Variants in MYOC observed in about 807,000 individuals in gnomAD.
MYOC encodes the protein myocilin.
MYOC carries 29 observed loss-of-function variants against 28.2 expected under a neutral mutation model. That is an observed-to-expected ratio of 1.03 (90% confidence interval 0.77 to 1.40). The LOEUF (loss-of-function observed/expected upper bound fraction) is 1.40, where lower values mean the gene tolerates loss of function less well. MYOC is among the 40% of genes most tolerant of loss of function. The pLI, the probability that MYOC is intolerant of heterozygous loss-of-function variation, is 0.00. For missense variants in MYOC, 569 were observed against 620.6 expected, an observed-to-expected ratio of 0.92 and a Z score of 0.88; for synonymous variants, 240 against 245.6, an observed-to-expected ratio of 0.98 and a Z score of 0.21.
rs1572211009 is a variant in MYOC at position 171,636,700 on chromosome 1, T to A, written c.740A>T (p.Glu247Val). Reference sequence around the variant, plus strand: ...GAGAGGCTCTCCTACCCAAACTAGTTCTCCACATCCTGGTAAATTCAGAAA... The same window carrying A: ...GAGAGGCTCTCCTACCCAAACTAGTACTCCACATCCTGGTAAATTCAGAAA... The part of the protein sequence containing the change: ...RSGEGDTGCG[E>V]LVWVGEPLTL... The change falls in exon 3 of 3, where the codon GAA (glutamate) becomes GTA (valine). Residue 247 changes from glutamate (E) to valine (V), a missense_variant. By Grantham distance (121) the Glu-to-Val change is moderately radical. Coordinates refer to ENST00000037502, the MANE Select transcript of MYOC (RefSeq NM_000261.2). 1 of 1,601,676 alleles carries A rather than the reference T, an allele frequency of 6.2e-7. No individual in the cohort carries two copies. Among genetic ancestry groups the A allele is most frequent in the Middle Eastern group, 1.7e-4 (1 of 6,060 alleles).
chr1:171,647,331 C>A (rs957168685), intron 1 of MYOC, among the ~76,000 whole-genome samples: 3 of 152,120 alleles, frequency 2.0e-5, no homozygotes, highest in Non-Finnish European at 4.4e-5. Context: ...CAAGACCAGC[C>A]TGGCCAACAT....
chr1:171,636,151 A>G lies in MYOC; in HGVS notation c.1289T>C (p.Phe430Ser), dbSNP rs1168442640. 1.9e-6 allele frequency: 3 copies of G among 1,614,162 alleles called. No homozygotes were observed. The highest frequency in any genetic ancestry group is 2.5e-6 in the Non-Finnish European group (3 of 1,180,026). ...NIRKQSVANA[F>S]IICGTLYTVS... Reference sequence around the variant, plus strand: ...GGTGTACAAGGTGCCACAGATGATGAAGGCATTGGCGACTGACTGCTTACG... The same window carrying G: ...GGTGTACAAGGTGCCACAGATGATGGAGGCATTGGCGACTGACTGCTTACG... The change falls in exon 3 of 3, where the codon TTC becomes TCC. Residue 430 changes from phenylalanine to serine, a missense_variant. Physicochemically the swap from Phe to Ser is radical, Grantham distance 155. Coordinates refer to ENST00000037502, the MANE Select transcript of MYOC (RefSeq NM_000261.2).
chr1:171,647,905 C>A (rs568887284), intron 1 of MYOC, among the ~76,000 whole-genome samples: 2 of 151,804 alleles, frequency 1.3e-5, no homozygotes, highest in Non-Finnish European at 2.9e-5. Flanking sequence ...ACAGGCCAGG[C>A]GCCGTGGCTC....
intron 1 of MYOC, among the ~76,000 whole-genome samples, chr1:171,649,562 G>A (rs141160409): frequency 3.2e-3 from 481 of 151,896 alleles, no homozygotes; most frequent in African/African-American, 9.3e-3. Context: ...TTGGAAGGCC[G>A]AGGTCGGCAG....
chr1:171,644,832 A>G (rs1241179070), intron 1 of MYOC, among the ~76,000 whole-genome samples: 2 of 152,202 alleles, frequency 1.3e-5, no homozygotes, highest in South Asian at 2.1e-4. Flanking sequence ...TGGTCCTGAA[A>G]GTGAACATTA....
chr1:171,652,052 T>TGG lies in MYOC; in HGVS notation c.558_559dup (p.Gln187ProfsTer30), dbSNP rs1332883080. 1 of 1,614,250 alleles carries TGG rather than the reference T, an allele frequency of 6.2e-7. No individual in the cohort carries two copies. Among genetic ancestry groups the TGG allele is most frequent in the East Asian group, 2.2e-5 (1 of 44,884 alleles). ...CACAGCCCGAGCAGTGTCTCGGGTCTGGGGACACTGGCCCCTTCTCAGCCT... is the reference window on the plus strand; with the variant it reads ...CACAGCCCGAGCAGTGTCTCGGGTCTGGGGGGACACTGGCCCCTTCTCAGCCT... On this transcript the variant is annotated frameshift_variant, in exon 1 of 3. Coordinates refer to ENST00000037502, the MANE Select transcript of MYOC (RefSeq NM_000261.2). LOFTEE classifies it high-confidence loss of function.
At chr1:171,637,737 C>T (rs2102945274) in intron 2 of MYOC, among the ~76,000 whole-genome samples, 1 of 152,140 alleles carries the variant, frequency 6.6e-6, no homozygotes, top group Admixed American at 6.6e-5. Context: ...CTCAGCCTCC[C>T]AAGTAGCTGG....
rs758453030 is a variant in MYOC at position 171,652,149 on chromosome 1, C to T, written c.463G>A (p.Glu155Lys). 1 of 1,614,222 alleles carries T rather than the reference C, an allele frequency of 6.2e-7. No homozygotes were observed. The highest frequency in any genetic ancestry group is 2.2e-5 in the East Asian group (1 of 44,884). The change falls in exon 1 of 3, where the codon GAG (glutamate) becomes AAG (lysine). Residue 155 changes from glutamate to lysine, a missense_variant. Physicochemically the swap from Glu to Lys is moderately conservative, Grantham distance 56 (BLOSUM62 1). Transcript: ENST00000037502. ...LLRDKSVLEEEKKRLRQENEN... is the reference protein window; with the variant it reads ...LLRDKSVLEEKKKRLRQENEN... ...TTTTCTTGCCTTAGTCGCTTCTTCT[C>T]TTCCTCCAGAACTGACTTGTCTCGG...
intron 1 of MYOC, among the ~76,000 whole-genome samples, chr1:171,639,303 T>C (rs184614177): frequency 6.6e-5 from 10 of 152,202 alleles, no homozygotes; most frequent in African/African-American, 9.6e-5. Flanking sequence ...ATTCCATAAT[T>C]AAAAACCTCA....
At chr1:171,641,017 AC>A (rs1348441324) in intron 1 of MYOC, among the ~76,000 whole-genome samples, 3 of 152,156 alleles carry the variant, frequency 2.0e-5, no homozygotes, top group Admixed American at 6.5e-5. Context: ...AGAAGGCGCA[AC>A]ACCAAAAATG....
At chr1:171,645,218 G>A (rs959734045) in intron 1 of MYOC, among the ~76,000 whole-genome samples, 1 of 152,188 alleles carries the variant, frequency 6.6e-6, no homozygotes, top group Non-Finnish European at 1.5e-5. Flanking sequence ...CGGACCCAGA[G>A]CGAAGTTCTT....
At chr1:171,648,392 G>A (rs892514634) in intron 1 of MYOC, among the ~76,000 whole-genome samples, 1 of 152,012 alleles carries the variant, frequency 6.6e-6, no homozygotes, top group Non-Finnish European at 1.5e-5. Context: ...GTGGTGACTA[G>A]CTGGAGAAGG....
intron 1 of MYOC, among the ~76,000 whole-genome samples, chr1:171,651,745 AT>A (rs1251848770): frequency 6.6e-6 from 1 of 152,182 alleles, no homozygotes; most frequent in African/African-American, 2.4e-5. Context: ...CGGTCCTTTT[AT>A]TTCTCCTTTT....
Position 171,652,229 on chromosome 1 carries a change from C to T in MYOC, c.383G>A (p.Arg128Gln), listed in dbSNP as rs766083192. ...TCTGGTTTGGGTTTCCAGCTGGTCC[C>T]GCTCCCGCCTCAGGGTGCCCAGCTC... ...QRELGTLRRE[R>Q]DQLETQTREL... is the part of the protein sequence containing the mutation. The change falls in exon 1 of 3, where the codon CGG becomes CAG. Residue 128 changes from arginine (R) to glutamine (Q), a missense_variant. Coordinates refer to ENST00000037502, the MANE Select transcript of MYOC (RefSeq NM_000261.2). 11 of 1,614,064 alleles carry T rather than the reference C, an allele frequency of 6.8e-6. No homozygotes were observed. The highest frequency in any genetic ancestry group is 4.0e-5 in the African/African-American group (3 of 74,928).
chr1:171,651,239 C>T (rs7518416), intron 1 of MYOC, among the ~76,000 whole-genome samples: 1 of 152,088 alleles, frequency 6.6e-6, no homozygotes. Context: ...ATGATTAGAA[C>T]ACTTCCTCAA....
chr1:171,651,920 C>A, intron 1 of MYOC, 88 bp downstream of exon 1: 5 of 1,583,430 alleles, frequency 3.2e-6, no homozygotes, highest in Non-Finnish European at 3.5e-6. Context: ...GGAGAAAGGG[C>A]AGGCAGGGAG....
chr1:171,643,828 G>C (rs956068721), intron 1 of MYOC, among the ~76,000 whole-genome samples: 1 of 151,850 alleles, frequency 6.6e-6, no homozygotes, highest in Non-Finnish European at 1.5e-5. Context: ...AAAATTAGCC[G>C]GGCATAGTGG....
At chr1:171,649,572 G>A (rs1416583881) in intron 1 of MYOC, among the ~76,000 whole-genome samples, 2 of 152,222 alleles carry the variant, frequency 1.3e-5, no homozygotes, top group Non-Finnish European at 2.9e-5. Context: ...GAGGTCGGCA[G>A]ATCACCTGAG....
chr1:171,638,346 C>T (rs1052797259), intron 2 of MYOC, among the ~76,000 whole-genome samples: 1 of 152,128 alleles, frequency 6.6e-6, no homozygotes, highest in Admixed American at 6.5e-5. Flanking sequence ...TGCAGCCCAG[C>T]CCAGCCTCCC....
Sources: allele counts gnomAD v4.1 joint callset (sites outside exome capture counted in the v4.1 genomes callset), GRCh38; gene constraint gnomAD v4.1.1; transcripts MANE v1.5; gene names NCBI Gene and HGNC (gene_info 2026-07-23, HGNC 2026-07-21).